Variants in POGZ observed in about 807,000 individuals in gnomAD.
POGZ encodes pogo transposable element with ZNF domain.
Under a neutral mutation model 134.6 loss-of-function variants are expected in POGZ, and 17 were observed. The ratio of observed to expected loss-of-function variants is 0.13; its 90% CI spans 0.09 to 0.19. POGZ has a LOEUF of 0.19. Ranked by LOEUF, POGZ falls within the 10% of genes least tolerant of loss-of-function variation. The pLI is 1.00. For missense variants in POGZ, 1,306 were observed against 1,769.7 expected (o/e 0.74, Z 4.70); for synonymous variants, 693 against 657.1 (o/e 1.05, Z -0.84).
Position 151,442,149 on chromosome 1 carries a change from T to C in POGZ, c.56A>G (p.Gln19Arg), listed in dbSNP as rs1389690893. The C allele has an allele frequency of 6.2e-7, 1 of 1,612,574 alleles. No homozygotes were observed. Among genetic ancestry groups the C allele is most frequent in the African/African-American group, 1.3e-5 (1 of 74,908 alleles). ...ECEEEELEPW[Q>R]KISDVIEDSV... ...GTCCTCAATGACATCACTGATTTTC[T>C]GCCATGGCTCCAACTCCTCCTCCTC... is the stretch of plus-strand genomic sequence containing the variant. The change falls in exon 2 of 19, where the codon CAG becomes CGG. Residue 19 changes from glutamine to arginine, a missense_variant. Coordinates refer to ENST00000271715, the MANE Select transcript of POGZ (RefSeq NM_015100.4).
chr1:151,403,976 G>A lies in POGZ; in HGVS notation c.*826C>T. ...ACACCTGTATGATCCTTTGTCCAGA[G>A]GGATGGATGGTGTTGAGAATGGGGA... On this transcript the variant is annotated 3_prime_UTR_variant, in exon 19 of 19. Coordinates refer to ENST00000271715, the MANE Select transcript of POGZ (RefSeq NM_015100.4). 1.0e-6 allele frequency: 1 copy of A among 985,410 alleles called. No individual in the cohort carries two copies. Among genetic ancestry groups the A allele is most frequent in the Non-Finnish European group, 1.2e-6 (1 of 829,916 alleles). The allele number at this position is 985,410 out of a possible 1,614,324, so 61.0% of individuals were successfully genotyped here.
At chr1:151,428,488 A>G (rs980982559) in intron 5 of POGZ, 75 bp from the exon 6 acceptor site, 8 of 1,292,208 alleles carry the variant, frequency 6.2e-6, no homozygotes, top group Non-Finnish European at 8.9e-6. Context: ...CCTTTACTGG[A>G]AAGATTATTT....
intron 9 of POGZ, 28 bp from the exon 10 acceptor site, chr1:151,423,579 A>G (rs773167409): frequency 6.4e-7 from 1 of 1,562,024 alleles, no homozygotes; most frequent in African/African-American, 1.4e-5. Context: ...GAGAAAGTAC[A>G]GAAAACATAA....
In POGZ at chr1:151,406,931, G is replaced by T; in HGVS notation, c.2525C>A (p.Ser842Tyr). The T allele has an allele frequency of 6.2e-7, 1 of 1,613,458 alleles. No homozygotes were observed. Among genetic ancestry groups the T allele is most frequent in the Non-Finnish European group, 8.5e-7 (1 of 1,179,394 alleles). Residue 842 changes from serine to tyrosine, a missense_variant, in exon 17 of 19, where the codon TCC becomes TAC. Ser to Tyr is a moderately radical substitution (Grantham distance 144, BLOSUM62 -2). Coordinates refer to ENST00000271715, the MANE Select transcript of POGZ (RefSeq NM_015100.4). ...KHLVFNPSHR[S>Y]SSILPRGLTW... is the part of the protein sequence containing the mutation. ...CTTACCCCGTGGCAGGATGCTGCTG[G>T]ATCTGTGAGAGGGGTTGAATACCAA...
intron 3 of POGZ, among the ~76,000 whole-genome samples, chr1:151,440,203 A>G (rs766021129): frequency 2.0e-5 from 3 of 150,690 alleles, no homozygotes; most frequent in Non-Finnish European, 4.4e-5. Context: ...TTTTCACTTT[A>G]TAGTTTTTCT....
intron 1 of POGZ, among the ~76,000 whole-genome samples, chr1:151,457,045 T>A (rs1235902841): frequency 1.8e-4 from 27 of 152,200 alleles, no homozygotes; most frequent in Admixed American, 1.8e-3. Flanking sequence ...TTACTATTAT[T>A]TTGAAAATAG....
At chr1:151,415,690 A>G (rs1238680449) in intron 10 of POGZ, among the ~76,000 whole-genome samples, 1 of 151,136 alleles carries the variant, frequency 6.6e-6, no homozygotes, top group Non-Finnish European at 1.5e-5. Context: ...AAAAAAAAAA[A>G]GAATATTTGA....
At chr1:151,434,289 A>G (rs747633938) in intron 3 of POGZ, among the ~76,000 whole-genome samples, 2 of 152,184 alleles carry the variant, frequency 1.3e-5, no homozygotes, top group Non-Finnish European at 2.9e-5. Context: ...TCTGGGCAAC[A>G]GTGTGAGTCT....
chr1:151,422,205 A>G (rs960356068), intron 10 of POGZ, among the ~76,000 whole-genome samples: 6 of 152,216 alleles, frequency 3.9e-5, no homozygotes, highest in Non-Finnish European at 5.9e-5. Flanking sequence ...CTTAAATTTA[A>G]GCACGACTTT....
chr1:151,404,178 G>A lies in POGZ; in HGVS notation c.*624C>T. 1.0e-6 allele frequency: 1 copy of A among 985,640 alleles called. No individual in the cohort carries two copies. The highest frequency in any genetic ancestry group is 1.7e-5 in the African/African-American group (1 of 57,300). The allele number at this position is 985,640 out of a possible 1,614,324, so 61.1% of individuals were successfully genotyped here. On this transcript the variant is annotated 3_prime_UTR_variant, in exon 19 of 19. Coordinates refer to ENST00000271715, the MANE Select transcript of POGZ (RefSeq NM_015100.4). ...GAAACCAACATCTCTGGAGAGGGAA[G>A]GAAAGAAAAGGAGAAGGAAGAGAGA...
At chr1:151,422,899 C>G (rs1315708491) in intron 10 of POGZ, among the ~76,000 whole-genome samples, 6 of 152,100 alleles carry the variant, frequency 3.9e-5, no homozygotes, top group Non-Finnish European at 5.9e-5. Flanking sequence ...GCCATATTAT[C>G]TTTTATCCTA....
intron 7 of POGZ, 106 bp from the exon 8 acceptor site, chr1:151,425,167 G>A: frequency 3.1e-6 from 2 of 654,552 alleles, no homozygotes; most frequent in Non-Finnish European, 5.7e-6. Context: ...ATATAAAAGG[G>A]TAAGCAAGCA....
At chr1:151,422,957 G>A (rs1428601753) in intron 10 of POGZ, among the ~76,000 whole-genome samples, 1 of 152,188 alleles carries the variant, frequency 6.6e-6, no homozygotes, top group East Asian at 1.9e-4. Context: ...AAAATATACA[G>A]TGTAGAAAAC....
chr1:151,441,004 G>A lies in POGZ; in HGVS notation c.207C>T (p.Thr69=). The part of the protein sequence containing the change: ...ASVAGHLSTS[T]TVSSSGAQNS... ...TCTGTGCCCCGCTGCTACTAACGGT[G>A]GTGGATGTAGAGAGGTGCCCAGCAA... Residue 69 remains threonine (T), a synonymous_variant, in exon 3 of 19, where the codon ACC becomes ACT. Coordinates refer to ENST00000271715, the MANE Select transcript of POGZ (RefSeq NM_015100.4). 3.1e-6 allele frequency: 5 copies of A among 1,613,860 alleles called. No homozygotes were observed. The highest frequency in any genetic ancestry group is 4.2e-6 in the Non-Finnish European group (5 of 1,179,752).
chr1:151,429,477 A>G (rs777233086), intron 5 of POGZ, 126 bp downstream of exon 5: 15 of 459,354 alleles, frequency 3.3e-5, no homozygotes, highest in Non-Finnish European at 5.4e-5. Context: ...GGCTTAAATC[A>G]TTAATATTTT....
intron 15 of POGZ, among the ~76,000 whole-genome samples, chr1:151,407,795 A>G (rs1653919588): frequency 6.6e-6 from 1 of 152,066 alleles, no homozygotes; most frequent in Admixed American, 6.6e-5. Flanking sequence ...GGATCACCTG[A>G]GCTCAGGAGT....
intron 3 of POGZ, among the ~76,000 whole-genome samples, chr1:151,440,216 A>G (rs1660311881): frequency 6.6e-6 from 1 of 151,698 alleles, no homozygotes; most frequent in South Asian, 2.1e-4. Context: ...GTTTTTCTAC[A>G]ATGCATATAT....
At chr1:151,449,248 T>C (rs1191534958) in intron 1 of POGZ, among the ~76,000 whole-genome samples, 1 of 152,182 alleles carries the variant, frequency 6.6e-6, no homozygotes, top group Non-Finnish European at 1.5e-5. Context: ...CCCTAGTTCA[T>C]AAAAGGCATA....
chr1:151,407,268 G>C lies in POGZ; in HGVS notation c.2399C>G (p.Pro800Arg), dbSNP rs767775553. 1 of 1,609,770 alleles carries C rather than the reference G, an allele frequency of 6.2e-7. No individual in the cohort carries two copies. Among genetic ancestry groups the C allele is most frequent in the Non-Finnish European group, 8.5e-7 (1 of 1,178,146 alleles). Residue 800 changes from proline to arginine, a missense_variant, in exon 16 of 19, where the codon CCC becomes CGC. Physicochemically the swap from Pro to Arg is moderately radical, Grantham distance 103 (BLOSUM62 -2). Around this residue, in one of 10 missense-constraint regions of POGZ, gnomAD observed 34 missense variants for 95.5 expected, o/e 0.36. Transcript: ENST00000271715. ...ATTTTTAAACAAAGCCAAATACTTG[G>C]GGCTCTTCCGTGGAACATGATTGCT... Reference protein sequence around the residue: ...MINNHVPRKSPKYLALFKNSV... With the variant: ...MINNHVPRKSRKYLALFKNSV...
Sources: allele counts gnomAD v4.1 joint callset (sites outside exome capture counted in the v4.1 genomes callset), GRCh38; gene constraint gnomAD v4.1.1; regional missense constraint gnomAD v4.1.1; transcripts MANE v1.5; gene names NCBI Gene and HGNC (gene_info 2026-07-23, HGNC 2026-07-21).